The following IGF1R variants were observed in gnomAD, a reference collection of about 807,000 sequenced individuals.
IGF1R encodes the protein insulin-like growth factor 1 receptor.
In IGF1R, 44 loss-of-function variants were observed where a neutral mutation model predicts 144.6. That is an observed-to-expected ratio of 0.30 (90% CI 0.24 to 0.39). The LOEUF (loss-of-function observed/expected upper bound fraction) is 0.39, where lower values mean the gene tolerates loss of function less well. IGF1R is among the 10% of genes least tolerant of loss of function. The pLI is 1.00. For missense variants in IGF1R, 1,355 were observed against 1,833.7 expected, an observed-to-expected ratio of 0.74 and a Z score of 4.77; for synonymous variants, 795 against 722.8, an observed-to-expected ratio of 1.10 and a Z score of -1.60.
chr15:98,930,301 T>A lies in IGF1R; in HGVS notation c.2952T>A (p.Ala984=). The A allele has an allele frequency of 6.2e-7, 1 of 1,611,006 alleles. No individual in the cohort carries two copies. The highest frequency in any genetic ancestry group is 8.5e-7 in the Non-Finnish European group (1 of 1,178,052). ...TGAACCCGGAGTACTTCAGCGCTGC[T>A]GATGGTAAGAGTCCGGGCCACCAGC... ...ASVNPEYFSA[A]DVYVPDEWEV... is the part of the protein sequence containing the mutation. The change falls in exon 15 of 21, where the codon GCT becomes GCA. Residue 984 remains alanine, a synonymous_variant. Coordinates refer to ENST00000650285, the MANE Select transcript of IGF1R (RefSeq NM_000875.5).
chr15:98,897,898 TG>T (rs964228819), intron 4 of IGF1R, among the ~76,000 whole-genome samples: 9 of 151,238 alleles, frequency 6.0e-5, no homozygotes, highest in East Asian at 1.9e-4. Context: ...AAAGGAATTT[TG>T]GGGGGGGAAT....
chr15:98,735,638 G>A (rs563506425), intron 2 of IGF1R, among the ~76,000 whole-genome samples: 19 of 152,364 alleles, frequency 1.2e-4, no homozygotes, highest in Non-Finnish European at 2.1e-4. Flanking sequence ...AGAAAATGTG[G>A]ATATTCAAGA....
At chr15:98,845,286 C>T (rs2011266407) in intron 2 of IGF1R, among the ~76,000 whole-genome samples, 1 of 152,170 alleles carries the variant, frequency 6.6e-6, no homozygotes, top group South Asian at 2.1e-4. Flanking sequence ...GGCATGATAA[C>T]CTTTGAGGGG....
At chr15:98,865,249 G>T (rs2012366774) in intron 2 of IGF1R, among the ~76,000 whole-genome samples, 1 of 152,226 alleles carries the variant, frequency 6.6e-6, no homozygotes, top group East Asian at 1.9e-4. Flanking sequence ...ATGTTTTAAA[G>T]TTGGCTGCAG....
At chr15:98,902,321 G>A (rs745369322) in intron 5 of IGF1R, among the ~76,000 whole-genome samples, 8 of 151,870 alleles carry the variant, frequency 5.3e-5, no homozygotes, top group Admixed American at 1.3e-4. Context: ...GCACTTTGAC[G>A]GTTTTTTTTC....
chr15:98,844,770 CT>C (rs951079040), intron 2 of IGF1R, among the ~76,000 whole-genome samples: 1 of 152,008 alleles, frequency 6.6e-6, no homozygotes, highest in African/African-American at 2.4e-5. Flanking sequence ...TGCAAGAAAT[CT>C]TTTTTTAAGT....
At chr15:98,729,846 C>T (rs7166287) in intron 2 of IGF1R, among the ~76,000 whole-genome samples, 81,819 of 152,042 alleles carry the variant, frequency 0.54, 23,336 homozygotes, top group Non-Finnish European at 0.63. Flanking sequence ...CTTGAAAATG[C>T]CATGTGCTTC....
At position 98,649,485 on chromosome 15, in the gene IGF1R, G is replaced by C; in HGVS notation, c.-97G>C. 1 of 866,128 alleles carries C rather than the reference G, an allele frequency of 1.2e-6. No homozygotes were observed. Among genetic ancestry groups the C allele is most frequent in the African/African-American group, 1.7e-5 (1 of 57,818 alleles). 53.7% of individuals were successfully genotyped at this position (866,128 alleles called of 1,614,324 possible). On this transcript the variant is annotated 5_prime_UTR_variant, in exon 1 of 21. Coordinates refer to ENST00000650285, the MANE Select transcript of IGF1R (RefSeq NM_000875.5). Reference sequence around the variant, plus strand: ...TGGAGGGGGAGCGAAGACTGAGTTTGAGACTTGTTTCCTTTCATTTCCTTT... The same window carrying C: ...TGGAGGGGGAGCGAAGACTGAGTTTCAGACTTGTTTCCTTTCATTTCCTTT...
At chr15:98,659,732 T>G (rs1178815268) in intron 1 of IGF1R, among the ~76,000 whole-genome samples, 1 of 152,168 alleles carries the variant, frequency 6.6e-6, no homozygotes, top group Non-Finnish European at 1.5e-5. Flanking sequence ...CTTTAATAAA[T>G]TTAAAGCTCC....
chr15:98,932,881 G>A (rs1436221069), intron 15 of IGF1R, among the ~76,000 whole-genome samples: 3 of 152,194 alleles, frequency 2.0e-5, no homozygotes, highest in Non-Finnish European at 1.5e-5. Flanking sequence ...CCCCTCAGAG[G>A]TCTAAAATGA....
At chr15:98,691,259 A>G (rs534153575) in intron 1 of IGF1R, among the ~76,000 whole-genome samples, 25 of 152,220 alleles carry the variant, frequency 1.6e-4, no homozygotes, top group Admixed American at 1.1e-3. Context: ...GGTCTGTGAC[A>G]GGGTCTCAGA....
intron 1 of IGF1R, among the ~76,000 whole-genome samples, chr15:98,666,600 G>A (rs1265418295): frequency 2.0e-5 from 3 of 152,180 alleles, no homozygotes; most frequent in Non-Finnish European, 4.4e-5. Flanking sequence ...TGTGAACCTT[G>A]AAGACACTCT....
At chr15:98,795,800 C>T (rs1183880648) in intron 2 of IGF1R, among the ~76,000 whole-genome samples, 2 of 152,180 alleles carry the variant, frequency 1.3e-5, no homozygotes, top group South Asian at 2.1e-4. Context: ...GCACCACATG[C>T]GACATGCCAT....
chr15:98,959,668 A>G lies in IGF1R; in HGVS notation c.*2226A>G. On this transcript the variant is annotated 3_prime_UTR_variant, in exon 21 of 21. Coordinates refer to ENST00000650285, the MANE Select transcript of IGF1R (RefSeq NM_000875.5). Reference sequence around the variant, plus strand: ...TTTCATTTTTAGCACTTCTCACCAGAGAGATGACAGCACAAGAGTTGCTTC... The same window carrying G: ...TTTCATTTTTAGCACTTCTCACCAGGGAGATGACAGCACAAGAGTTGCTTC... The G allele has an allele frequency of 4.3e-6, 1 of 233,694 alleles. No individual in the cohort carries two copies. Among genetic ancestry groups the G allele is most frequent in the East Asian group, 6.0e-5 (1 of 16,594 alleles). The allele number at this position is 233,694 out of a possible 1,614,324, so 14.5% of individuals were successfully genotyped here.
chr15:98,711,369 G>A (rs914831581), intron 2 of IGF1R, among the ~76,000 whole-genome samples: 9 of 152,096 alleles, frequency 5.9e-5, no homozygotes, highest in African/African-American at 1.9e-4. Context: ...CGATTTTGTC[G>A]TGCTGTTGCG....
chr15:98,669,404 A>T (rs943826344), intron 1 of IGF1R, among the ~76,000 whole-genome samples: 3 of 152,140 alleles, frequency 2.0e-5, no homozygotes, highest in African/African-American at 7.2e-5. Flanking sequence ...ATTTTCAGGG[A>T]ACTAGTGACC....
intron 2 of IGF1R, among the ~76,000 whole-genome samples, chr15:98,786,969 G>A (rs891147339): frequency 5.9e-5 from 9 of 152,276 alleles, no homozygotes; most frequent in Non-Finnish European, 7.4e-5. Flanking sequence ...CCTGGGTTTC[G>A]GATTGAAATA....
intron 2 of IGF1R, among the ~76,000 whole-genome samples, chr15:98,851,745 CA>C (rs1344317774): frequency 6.6e-6 from 1 of 152,194 alleles, no homozygotes; most frequent in Non-Finnish European, 1.5e-5. Context: ...GGGGACTTAG[CA>C]ATGTCAGATG....
chr15:98,797,361 GC>G (rs2141427703), intron 2 of IGF1R, among the ~76,000 whole-genome samples: 1 of 152,360 alleles, frequency 6.6e-6, no homozygotes, highest in South Asian at 2.1e-4. Flanking sequence ...TAAACCTGAT[GC>G]CCGGGTGTTT....
Sources: allele counts gnomAD v4.1 joint callset (sites outside exome capture counted in the v4.1 genomes callset), GRCh38; gene constraint gnomAD v4.1.1; transcripts MANE v1.5; gene names NCBI Gene and HGNC (gene_info 2026-07-23, HGNC 2026-07-21).